The following AVEN variants were observed in gnomAD, a reference collection of about 807,000 sequenced individuals.
AVEN encodes cell death regulator Aven.
AVEN carries 41 observed loss-of-function variants against 38.1 expected under a neutral mutation model. That is an observed-to-expected ratio of 1.08 (90% CI 0.84 to 1.40). The LOEUF (loss-of-function observed/expected upper bound fraction) is 1.40. Among genes scored for constraint, AVEN ranks in the 40% most tolerant of loss-of-function variants. AVEN has a pLI of 0.00. For missense variants in AVEN, 605 were observed against 438.8 expected (o/e 1.38, Z -3.38); for synonymous variants, 206 against 171.8 (o/e 1.20, Z -1.56).
upstream of AVEN, among the ~76,000 whole-genome samples, chr15:34,042,589 G>C (rs548110134): frequency 6.6e-6 from 1 of 151,834 alleles, no homozygotes; most frequent in East Asian, 2.0e-4. Flanking sequence ...TTTTAGTAGA[G>C]ACGGGGTTTC....
At chr15:33,876,571 C>CA (rs919388212) in intron 2 of AVEN, among the ~76,000 whole-genome samples, 265 of 141,684 alleles carry the variant, frequency 1.9e-3, no homozygotes, top group African/African-American at 5.0e-3. Flanking sequence ...GACCCTATCT[C>CA]AAAAAAAAAA....
chr15:33,925,298 A>G (rs1006833361), intron 2 of AVEN, among the ~76,000 whole-genome samples: 2 of 152,180 alleles, frequency 1.3e-5, no homozygotes, highest in African/African-American at 4.8e-5. Context: ...GGAGACATCT[A>G]CCCCAACCTC....
chr15:33,867,752 C>G lies in AVEN; in HGVS notation c.716G>C (p.Gly239Ala), dbSNP rs779472746. 5 of 1,614,138 alleles carry G rather than the reference C, an allele frequency of 3.1e-6. No individual in the cohort carries two copies. The highest frequency in any genetic ancestry group is 2.5e-6 in the Non-Finnish European group (3 of 1,180,022). The stretch of plus-strand genomic sequence containing the variant: ...CACAGATTTCAGCTCAAAGATGGGC[C>G]CCCTTCCTCCAGGCCCCAAGGGCCC... ...LKGPLGPGGR[G>A]PIFELKSVAA... Residue 239 changes from glycine (G) to alanine (A), a missense_variant, in exon 5 of 6, where the codon GGG becomes GCG. Physicochemically the swap from Gly to Ala is moderately conservative, Grantham distance 60 (BLOSUM62 0). Coordinates refer to ENST00000306730, the MANE Select transcript of AVEN (RefSeq NM_020371.3).
At chr15:33,972,761 T>C (rs1034043971) in intron 2 of AVEN, among the ~76,000 whole-genome samples, 7 of 152,188 alleles carry the variant, frequency 4.6e-5, no homozygotes, top group Non-Finnish European at 7.4e-5. Flanking sequence ...GCAGACCAAC[T>C]AATCCTTCCA....
chr15:33,968,527 A>C (rs1895486555), intron 2 of AVEN, among the ~76,000 whole-genome samples: 2 of 152,134 alleles, frequency 1.3e-5, no homozygotes, highest in African/African-American at 4.8e-5. Context: ...CCGTCCAGAG[A>C]CATGATAAAG....
intron 2 of AVEN, among the ~76,000 whole-genome samples, chr15:33,920,572 C>T (rs1035833033): frequency 6.6e-6 from 1 of 152,134 alleles, no homozygotes; most frequent in African/African-American, 2.4e-5. Context: ...ACGAAAAGAA[C>T]ATGCTCCTTT....
chr15:33,916,971 A>G (rs1893162297), intron 2 of AVEN, among the ~76,000 whole-genome samples: 1 of 152,058 alleles, frequency 6.6e-6, no homozygotes, highest in Admixed American at 6.6e-5. Context: ...CCCTTATAAA[A>G]CCATCAGATC....
At chr15:33,950,880 G>T (rs1325405680) in intron 2 of AVEN, among the ~76,000 whole-genome samples, 4 of 152,160 alleles carry the variant, frequency 2.6e-5, no homozygotes, top group Non-Finnish European at 5.9e-5. Context: ...GGTGGCTGAT[G>T]CTTGTAGTCC....
intron 2 of AVEN, among the ~76,000 whole-genome samples, chr15:33,969,648 A>G (rs924214726): frequency 6.6e-6 from 1 of 152,238 alleles, no homozygotes; most frequent in Non-Finnish European, 1.5e-5. Flanking sequence ...CATTCATACT[A>G]AAGAAAAATA....
chr15:33,882,949 A>T (rs1319057985), intron 2 of AVEN, among the ~76,000 whole-genome samples: 1 of 152,236 alleles, frequency 6.6e-6, no homozygotes, highest in Admixed American at 6.5e-5. Context: ...CAGCAATCTT[A>T]CACATGCTTC....
At chr15:34,001,337 A>T (rs574876227) in intron 2 of AVEN, among the ~76,000 whole-genome samples, 26 of 152,254 alleles carry the variant, frequency 1.7e-4, no homozygotes, top group African/African-American at 5.5e-4. Flanking sequence ...TAGAATTTTT[A>T]ACTGCCTTCC....
intron 2 of AVEN, among the ~76,000 whole-genome samples, chr15:33,943,338 T>C (rs980862138): frequency 2.6e-5 from 4 of 151,970 alleles, no homozygotes; most frequent in Non-Finnish European, 4.4e-5. Context: ...TATTACCAAG[T>C]GAAATAAGCC....
intron 2 of AVEN, among the ~76,000 whole-genome samples, chr15:33,942,834 C>G (rs142844453): frequency 3.9e-4 from 59 of 152,292 alleles, no homozygotes; most frequent in African/African-American, 1.4e-3. Flanking sequence ...CAGGACTTAT[C>G]AAAAGTTCTA....
intron 2 of AVEN, among the ~76,000 whole-genome samples, chr15:33,943,998 G>A (rs554994037): frequency 6.6e-6 from 1 of 151,896 alleles, no homozygotes; most frequent in Non-Finnish European, 1.5e-5. Flanking sequence ...CCTCATAAAG[G>A]GCCAGGATTA....
At chr15:33,949,780 G>T (rs1227050333) in intron 2 of AVEN, among the ~76,000 whole-genome samples, 5 of 152,062 alleles carry the variant, frequency 3.3e-5, no homozygotes, top group Non-Finnish European at 7.4e-5. Context: ...AAAGATAATT[G>T]GTACAGCTAT....
chr15:33,882,132 T>C (rs1427353967), intron 2 of AVEN, among the ~76,000 whole-genome samples: 5 of 152,140 alleles, frequency 3.3e-5, no homozygotes, highest in Admixed American at 6.5e-5. Context: ...TGTGTACTTA[T>C]ATAATATCCT....
At chr15:33,857,797 T>C (rs2079852092), downstream of AVEN, 1 of 1,614,088 alleles carries the variant, frequency 6.2e-7, no homozygotes, top group Non-Finnish European at 8.5e-7. Context: ...TGACTGTCGG[T>C]CTCCTGGCCG....
intron 1 of AVEN, among the ~76,000 whole-genome samples, chr15:34,037,755 GTTTTATAC>G (rs1198412227): frequency 1.3e-5 from 2 of 151,844 alleles, no homozygotes; most frequent in African/African-American, 4.8e-5. Flanking sequence ...TTAAATTTAA[GTTTTATAC>G]TTTTTTTTCC....
upstream of AVEN, among the ~76,000 whole-genome samples, chr15:34,040,779 A>G (rs898192278): frequency 4.6e-5 from 7 of 152,142 alleles, no homozygotes; most frequent in South Asian, 8.3e-4. Flanking sequence ...TTAGCTGGGC[A>G]TGGTGGTATA....
Sources: allele counts gnomAD v4.1 joint callset (sites outside exome capture counted in the v4.1 genomes callset), GRCh38; gene constraint gnomAD v4.1.1; transcripts MANE v1.5; gene names NCBI Gene and HGNC (gene_info 2026-07-23, HGNC 2026-07-21).